SCN11A: variants seen among roughly 807,000 people sequenced by gnomAD.
SCN11A encodes the protein sodium voltage-gated channel alpha subunit 11, also known as sodium channel protein type 11 subunit alpha.
SCN11A carries 122 observed loss-of-function variants against 162.2 expected under a neutral mutation model. The ratio of observed to expected loss-of-function variants is 0.75; its 90% CI spans 0.65 to 0.87. The LOEUF (loss-of-function observed/expected upper bound fraction) is 0.87. SCN11A is among the 40% of genes least tolerant of loss of function. SCN11A has a pLI of 0.00. For missense variants in SCN11A, 2,015 were observed against 2,181.6 expected, an observed-to-expected ratio of 0.92 and a Z score of 1.52; for synonymous variants, 758 against 751.5, an observed-to-expected ratio of 1.01 and a Z score of -0.14.
chr3:38,887,913 C>T (rs2065430228), intron 19 of SCN11A, among the ~76,000 whole-genome samples: 1 of 152,168 alleles, frequency 6.6e-6, no homozygotes, highest in South Asian at 2.1e-4. Context: ...TAAAAATACA[C>T]ACACATACAA....
At chr3:38,913,363 A>G (rs1005875667) in intron 11 of SCN11A, among the ~76,000 whole-genome samples, 1 of 152,182 alleles carries the variant, frequency 6.6e-6, no homozygotes, top group Admixed American at 6.6e-5. Flanking sequence ...TTCCTTATAG[A>G]TGCTGAATAT....
intron 27 of SCN11A, among the ~76,000 whole-genome samples, chr3:38,865,402 G>A (rs1340058196): frequency 6.6e-6 from 1 of 152,190 alleles, no homozygotes; most frequent in Non-Finnish European, 1.5e-5. Flanking sequence ...CTCCTGAGTA[G>A]CAGAAGCAAT....
At chr3:39,031,935 A>C (rs1208802163) in intron 2 of SCN11A, among the ~76,000 whole-genome samples, 1 of 152,160 alleles carries the variant, frequency 6.6e-6, no homozygotes, top group Non-Finnish European at 1.5e-5. Flanking sequence ...CAACTGATAG[A>C]TATATTTTAC....
intron 2 of SCN11A, among the ~76,000 whole-genome samples, chr3:39,026,933 G>C (rs1420925556): frequency 6.6e-6 from 1 of 152,206 alleles, no homozygotes; most frequent in African/African-American, 2.4e-5. Flanking sequence ...GGGCTTAGAA[G>C]AGCCTTATTA....
intron 26 of SCN11A, among the ~76,000 whole-genome samples, chr3:38,869,429 A>G (rs924090142): frequency 3.9e-5 from 6 of 152,158 alleles, no homozygotes; most frequent in African/African-American, 1.4e-4. Flanking sequence ...ATAAAATTAC[A>G]TTGTATATAT....
intron 23 of SCN11A, among the ~76,000 whole-genome samples, chr3:38,878,311 T>C (rs911030814): frequency 1.3e-5 from 2 of 152,092 alleles, no homozygotes; most frequent in African/African-American, 2.4e-5. Flanking sequence ...TTCTATTATG[T>C]ATTCAGTGAA....
intron 19 of SCN11A, among the ~76,000 whole-genome samples, chr3:38,889,773 C>T (rs2065464511): frequency 6.7e-6 from 1 of 149,974 alleles, no homozygotes; most frequent in African/African-American, 2.5e-5. Flanking sequence ...GCACTCCAGC[C>T]TGGGCGACAG....
chr3:38,903,721 G>A (rs969235380), intron 16 of SCN11A, 144 bp downstream of exon 16: 11 of 615,334 alleles, frequency 1.8e-5, no homozygotes, highest in African/African-American at 9.4e-5. Context: ...AAGTAAAACC[G>A]TAACAGCCAT....
At chr3:38,971,951 A>G (rs56312538) in intron 2 of SCN11A, among the ~76,000 whole-genome samples, 9,474 of 152,226 alleles carry the variant, frequency 0.062, 331 homozygotes, top group Middle Eastern at 0.092. Context: ...AGGCAGGAGG[A>G]AGGAGGGAGG....
At chr3:38,947,452 G>A (rs1180162052) in intron 5 of SCN11A, among the ~76,000 whole-genome samples, 2 of 152,162 alleles carry the variant, frequency 1.3e-5, no homozygotes, top group Admixed American at 6.5e-5. Context: ...TTTCCCTGTG[G>A]TTCTTAACCA....
intron 19 of SCN11A, among the ~76,000 whole-genome samples, chr3:38,887,287 C>T (rs919518356): frequency 6.6e-6 from 1 of 151,910 alleles, no homozygotes; most frequent in African/African-American, 2.4e-5. Flanking sequence ...TGGCAGGATC[C>T]ATGATGGCAC....
At chr3:39,042,974 A>AAAAAAAAAAAAAAAAAAAAG (rs56332636) in intron 1 of SCN11A, among the ~76,000 whole-genome samples, 4 of 103,658 alleles carry the variant, frequency 3.9e-5, no homozygotes, top group African/African-American at 1.1e-4. Context: ...AAAAAAAAAA[A>AAAAAAAAAAAAAAAAAAAAG]AAAAAGAAAA....
At chr3:38,910,027 G>A (rs916567582) in intron 12 of SCN11A, 39 bp downstream of exon 12, 2 of 1,596,014 alleles carry the variant, frequency 1.3e-6, no homozygotes, top group Admixed American at 3.4e-5. Context: ...AAGGATGGAG[G>A]GAGGGAGAGA....
At chr3:38,974,095 A>T (rs1004637885) in intron 2 of SCN11A, among the ~76,000 whole-genome samples, 1 of 152,256 alleles carries the variant, frequency 6.6e-6, no homozygotes, top group Non-Finnish European at 1.5e-5. Context: ...AAGGCTTAGG[A>T]ACTGGAATTA....
chr3:39,020,562 G>A (rs2125606771), intron 2 of SCN11A, among the ~76,000 whole-genome samples: 1 of 152,272 alleles, frequency 6.6e-6, no homozygotes, highest in Non-Finnish European at 1.5e-5. Context: ...CAGCTTTCCT[G>A]TCCCTTGAGA....
intron 4 of SCN11A, among the ~76,000 whole-genome samples, chr3:38,953,055 T>G (rs80217136): frequency 0.063 from 9,572 of 152,036 alleles, 333 homozygotes; most frequent in Middle Eastern, 0.092. Context: ...TTTGTTTTTT[T>G]TTGTTGTTGT....
chr3:39,042,957 C>CAAAAAAAAAAAAAAAAAAA (rs561204433), intron 1 of SCN11A, among the ~76,000 whole-genome samples: 12 of 65,992 alleles, frequency 1.8e-4, no homozygotes, highest in East Asian at 4.3e-4. Context: ...AACTCCATCT[C>CAAAAAAAAAAAAAAAAAAA]AAAAAAAAAA....
At chr3:39,005,762 C>T (rs1309809731) in intron 2 of SCN11A, among the ~76,000 whole-genome samples, 1 of 152,184 alleles carries the variant, frequency 6.6e-6, no homozygotes, top group Admixed American at 6.5e-5. Flanking sequence ...CACTCTGAGG[C>T]TTTGAACAAA....
intron 7 of SCN11A, among the ~76,000 whole-genome samples, chr3:38,944,591 G>T (rs1438741192): frequency 1.3e-5 from 2 of 151,804 alleles, no homozygotes; most frequent in Non-Finnish European, 2.9e-5. Context: ...CTCCCAAAGT[G>T]CTGGCATTAC....
Sources: gnomAD v4.1 joint callset for allele counts (sites outside exome capture counted in the v4.1 genomes callset) on GRCh38, gnomAD v4.1.1 for gene constraint, MANE v1.5 for transcripts, NCBI Gene and HGNC (gene_info 2026-07-23, HGNC 2026-07-21) for gene names.